Variants in LTBP1 observed in about 807,000 individuals in gnomAD.
LTBP1 encodes latent-transforming growth factor beta-binding protein 1.
In LTBP1, 129 loss-of-function variants were observed where a neutral mutation model predicts 207.6. The observed-to-expected ratio is 0.62, with a 90% CI of 0.54 to 0.72. LTBP1 has a LOEUF of 0.72. LTBP1 is among the 30% of genes least tolerant of loss of function. LTBP1 has a pLI of 0.00. For synonymous variants in LTBP1, 963 were observed against 833.7 expected (o/e 1.16, Z -2.67); for missense variants, 2,281 against 2,217.2 (o/e 1.03, Z -0.58).
chr2:33,288,854 C>CAAAAAAA (rs200975631), intron 19 of LTBP1, among the ~76,000 whole-genome samples: 2 of 73,062 alleles, frequency 2.7e-5, no homozygotes. Context: ...GACTCTGTCT[C>CAAAAAAA]AAAAAAAAAA....
At chr2:33,169,833 T>C (rs1004434264) in intron 5 of LTBP1, among the ~76,000 whole-genome samples, 3 of 152,150 alleles carry the variant, frequency 2.0e-5, no homozygotes, top group African/African-American at 4.8e-5. Flanking sequence ...GATAACAAGA[T>C]AGTTCAAACA....
At chr2:33,224,475 A>C (rs2091318301) in intron 9 of LTBP1, among the ~76,000 whole-genome samples, 1 of 152,222 alleles carries the variant, frequency 6.6e-6, no homozygotes, top group Non-Finnish European at 1.5e-5. Flanking sequence ...ATTTGAAGAC[A>C]GAAGGCTTAC....
chr2:33,010,535 C>T (rs1687530582), intron 2 of LTBP1, among the ~76,000 whole-genome samples: 2 of 152,100 alleles, frequency 1.3e-5, no homozygotes, highest in Non-Finnish European at 2.9e-5. Context: ...ATGTTCCCAA[C>T]ACATAGAAAT....
intron 3 of LTBP1, among the ~76,000 whole-genome samples, chr2:33,109,348 G>A (rs1472830255): frequency 1.3e-5 from 2 of 152,154 alleles, no homozygotes; most frequent in African/African-American, 4.8e-5. Context: ...CGGTATTTTG[G>A]GTCAGATTAC....
At chr2:33,374,072 C>T (rs2095105841) in intron 31 of LTBP1, among the ~76,000 whole-genome samples, 1 of 152,080 alleles carries the variant, frequency 6.6e-6, no homozygotes, top group South Asian at 2.1e-4. Flanking sequence ...TTCGTAATGC[C>T]CTTGGAGGTG....
chr2:32,953,979 TG>T (rs1466983230), intron 2 of LTBP1, among the ~76,000 whole-genome samples: 2 of 151,750 alleles, frequency 1.3e-5, no homozygotes, highest in Non-Finnish European at 2.9e-5. Context: ...GCCGATGGGG[TG>T]GGGGTAACTT....
At chr2:33,210,928 T>C (rs2090262978) in intron 7 of LTBP1, among the ~76,000 whole-genome samples, 1 of 152,228 alleles carries the variant, frequency 6.6e-6, no homozygotes, top group Non-Finnish European at 1.5e-5. Context: ...TCTGTTTTAT[T>C]TCATGTTTTC....
chr2:33,115,102 A>G (rs2080660933), intron 4 of LTBP1, among the ~76,000 whole-genome samples: 3 of 80,342 alleles, frequency 3.7e-5, no homozygotes. Context: ...ACACACATAT[A>G]TGTACACACA....
chr2:33,153,148 C>A lies in LTBP1; in HGVS notation c.1201+18188C>A, dbSNP rs529418422. On this transcript the variant is annotated intron_variant, in intron 5 of 33. Coordinates refer to ENST00000404816, the MANE Select transcript of LTBP1 (RefSeq NM_206943.4). ...CTTTCCAAGGATGTACAGTATGTTCCCCTTTGTACTTTTTTGGGCTCTGTT... is the reference window on the plus strand; with the variant it reads ...CTTTCCAAGGATGTACAGTATGTTCACCTTTGTACTTTTTTGGGCTCTGTT... 7.9e-5 allele frequency among the ~76,000 whole-genome samples: 12 copies of A among 152,208 alleles called. No homozygotes were observed. The South Asian group carries it at 8.3e-4, about 11-fold the overall frequency.
intron 3 of LTBP1, among the ~76,000 whole-genome samples, chr2:33,089,246 G>A (rs972041602): frequency 1.3e-5 from 2 of 152,022 alleles, no homozygotes; most frequent in African/African-American, 4.8e-5. Flanking sequence ...TTCATAGTGG[G>A]GACAAAATAT....
At chr2:33,106,817 G>A (rs1572663608) in intron 3 of LTBP1, among the ~76,000 whole-genome samples, 2 of 152,312 alleles carry the variant, frequency 1.3e-5, no homozygotes, top group African/African-American at 4.8e-5. Flanking sequence ...AGCCACCAAC[G>A]AAAGTCAGCC....
intron 33 of LTBP1, among the ~76,000 whole-genome samples, chr2:33,397,765 G>A (rs1029374674): frequency 3.4e-5 from 5 of 148,772 alleles, no homozygotes; most frequent in Admixed American, 6.8e-5. Context: ...CTCGTGATCC[G>A]CCCACCTTGG....
intron 19 of LTBP1, among the ~76,000 whole-genome samples, chr2:33,291,260 G>T (rs1485517387): frequency 3.3e-5 from 5 of 152,204 alleles, no homozygotes; most frequent in Non-Finnish European, 7.3e-5. Flanking sequence ...AATCTGCAGT[G>T]TCTGTTAATT....
chr2:33,084,159 A>G (rs888107094), intron 3 of LTBP1, among the ~76,000 whole-genome samples: 2 of 152,334 alleles, frequency 1.3e-5, no homozygotes, highest in African/African-American at 2.4e-5. Flanking sequence ...CTTTTGTGGG[A>G]TAAAAAAAAC....
In LTBP1 at chr2:33,178,236, C is replaced by G. The variant is rs557151966; in HGVS notation, c.1202-8620C>G. On this transcript the variant is annotated intron_variant, in intron 5 of 33. Coordinates refer to ENST00000404816, the MANE Select transcript of LTBP1 (RefSeq NM_206943.4). ...GGACAGAGCCTTGAGGTTTAGGAAT[C>G]ATTAGGAGAGAGCGACAATGACAGC... is the stretch of plus-strand genomic sequence containing the variant. Among the ~76,000 whole-genome samples, 57 of 152,258 alleles carry G rather than the reference C, an allele frequency of 3.7e-4. No homozygotes were observed. In the South Asian group the frequency reaches 5.2e-3, roughly 14 times the overall value.
At chr2:33,019,078 C>A (rs898178504) in intron 2 of LTBP1, among the ~76,000 whole-genome samples, 1 of 152,166 alleles carries the variant, frequency 6.6e-6, no homozygotes, top group African/African-American at 2.4e-5. Context: ...ATCTTCATAA[C>A]TGAGTCTCCT....
chr2:33,201,409 A>G (rs2089248277), intron 7 of LTBP1, among the ~76,000 whole-genome samples: 3 of 147,878 alleles, frequency 2.0e-5, no homozygotes, highest in Admixed American at 1.3e-4. Flanking sequence ...ATTCTCACTC[A>G]TAGGTGGGAA....
intron 23 of LTBP1, among the ~76,000 whole-genome samples, chr2:33,311,601 G>A (rs2094189451): frequency 6.7e-6 from 1 of 148,786 alleles, no homozygotes; most frequent in Admixed American, 6.7e-5. Context: ...TGGCTTAAAA[G>A]TATATTTTCT....
intron 5 of LTBP1, among the ~76,000 whole-genome samples, chr2:33,162,314 T>G (rs1328438962): frequency 6.6e-6 from 1 of 152,256 alleles, no homozygotes; most frequent in African/African-American, 2.4e-5. Flanking sequence ...AAATTAGTTC[T>G]TCCTTAATCA....
Sources: allele counts gnomAD v4.1 joint callset (sites outside exome capture counted in the v4.1 genomes callset), GRCh38; gene constraint gnomAD v4.1.1; transcripts MANE v1.5; gene names NCBI Gene and HGNC (gene_info 2026-07-23, HGNC 2026-07-21).